PDXDC1: variants seen among roughly 807,000 people sequenced by gnomAD.
PDXDC1 encodes the protein pyridoxal-dependent decarboxylase domain-containing protein 1.
Under a neutral mutation model 100.1 loss-of-function variants are expected in PDXDC1, and 42 were observed. The observed-to-expected ratio is 0.42, with a 90% confidence interval of 0.33 to 0.54. The LOEUF (loss-of-function observed/expected upper bound fraction) is 0.54, where lower values mean the gene tolerates loss of function less well. PDXDC1 is among the 20% of genes least tolerant of loss of function. PDXDC1 has a pLI of 0.10. For missense variants in PDXDC1, 636 were observed against 979.2 expected (o/e 0.65, Z 4.68); for synonymous variants, 260 against 371.7 (o/e 0.70, Z 3.46).
intron 16 of PDXDC1, chr16:15,135,175 G>A (rs959092693): frequency 1.3e-5 from 11 of 858,446 alleles, no homozygotes; most frequent in African/African-American, 3.3e-5. Flanking sequence ...GAAACAGAGA[G>A]GGAAGAGCGC....
At chr16:15,094,343 C>T (rs562095745) in intron 16 of PDXDC1, 8 of 1,039,474 alleles carry the variant, frequency 7.7e-6, no homozygotes, top group East Asian at 2.6e-5. Flanking sequence ...AGCCAATCAG[C>T]GGCCCCGCGT....
intron 22 of PDXDC1, among the ~76,000 whole-genome samples, 195 bp downstream of exon 22, chr16:15,035,748 G>A (rs1008409585): frequency 6.6e-6 from 1 of 152,138 alleles, no homozygotes; most frequent in African/African-American, 2.4e-5. Context: ...GGGGAAGTTG[G>A]GGTCTTGAAA....
chr16:15,013,830 G>T (rs1190597727), intron 8 of PDXDC1, among the ~76,000 whole-genome samples: 5 of 146,210 alleles, frequency 3.4e-5, no homozygotes, highest in Non-Finnish European at 7.4e-5. Flanking sequence ...AGCCAAGATC[G>T]CACCACCGCA....
intron 1 of PDXDC1, among the ~76,000 whole-genome samples, chr16:14,977,764 A>C (rs1278060498): frequency 6.6e-6 from 1 of 152,268 alleles, no homozygotes; most frequent in Admixed American, 6.5e-5. Flanking sequence ...TGTTTCTTTG[A>C]GGAATAGACT....
At chr16:15,012,964 G>A (rs1457723930) in intron 8 of PDXDC1, among the ~76,000 whole-genome samples, 14 of 152,392 alleles carry the variant, frequency 9.2e-5, no homozygotes, top group Admixed American at 8.5e-4. Context: ...GAGGTCAGGA[G>A]ATCAAGACAT....
chr16:15,019,842 G>A (rs879860164), intron 12 of PDXDC1, among the ~76,000 whole-genome samples: 1 of 152,286 alleles, frequency 6.6e-6, no homozygotes, highest in Non-Finnish European at 1.5e-5. Context: ...GCTGGGCATG[G>A]TGGCTCACGC....
At chr16:15,100,145 G>A (rs1174087854) in intron 16 of PDXDC1, among the ~76,000 whole-genome samples, 1 of 152,150 alleles carries the variant, frequency 6.6e-6, no homozygotes, top group African/African-American at 2.4e-5. Flanking sequence ...TGAACTAGAA[G>A]GGATTAAGTT....
chr16:14,990,255 G>T lies in PDXDC1; in HGVS notation c.22-7498G>T. ...CGCCCGTGCCTCACTGCCCGGCCCAGACCGCGGCGCCCACCCCGGCCCCCG... is the reference window on the plus strand; with the variant it reads ...CGCCCGTGCCTCACTGCCCGGCCCATACCGCGGCGCCCACCCCGGCCCCCG... On this transcript the variant is annotated intron_variant, in intron 1 of 22. Transcript: ENST00000396410. 5 of 638,518 alleles carry T rather than the reference G, an allele frequency of 7.8e-6. No individual in the cohort carries two copies. The South Asian group carries it at 3.0e-4, about 38-fold the overall frequency. 39.6% of individuals were successfully genotyped at this position (638,518 alleles called of 1,614,324 possible).
Position 15,095,058 on chromosome 16 carries a change from G to A in PDXDC1, c.1400-43821G>A, listed in dbSNP as rs865992098. ...GCACTGTGTTGGCCAGGCTGGTCTC[G>A]AACTCATGACCTCAGGTCATCCGCC... On this transcript the variant is annotated intron_variant, in intron 16 of 16. Transcript: ENST00000535621. 3.9e-5 allele frequency among the ~76,000 whole-genome samples: 6 copies of A among 152,018 alleles called. No homozygotes were observed. The South Asian group carries it at 1.0e-3, about 26-fold the overall frequency.
At chr16:14,992,769 G>C (rs1349944299) in intron 1 of PDXDC1, among the ~76,000 whole-genome samples, 1 of 152,276 alleles carries the variant, frequency 6.6e-6, no homozygotes, top group Non-Finnish European at 1.5e-5. Flanking sequence ...TATGGCCATA[G>C]GCAAGTCGCT....
chr16:15,018,089 CA>C (rs2041928801), intron 11 of PDXDC1, among the ~76,000 whole-genome samples: 1 of 142,686 alleles, frequency 7.0e-6, no homozygotes, highest in Non-Finnish European at 1.5e-5. Context: ...CACCTGGCCA[CA>C]TTTTTTTTTT....
chr16:15,127,067 C>T lies in PDXDC1; in HGVS notation c.1400-11812C>T, dbSNP rs983270975. On this transcript the variant is annotated intron_variant, in intron 16 of 16. Transcript: ENST00000535621. Reference sequence around the variant, plus strand: ...CCTCCTGAAGTGTTGGGATTATAGGCGTGAGCCACCACACCCGGCCCGGCC... The same window carrying T: ...CCTCCTGAAGTGTTGGGATTATAGGTGTGAGCCACCACACCCGGCCCGGCC... The T allele has an allele frequency of 4.2e-5, 15 of 353,836 alleles. No individual in the cohort carries two copies. In the East Asian group the frequency reaches 8.2e-4, roughly 19 times the overall value. The allele number at this position is 353,836 out of a possible 1,614,324, so 21.9% of individuals were successfully genotyped here. A position where few individuals can be genotyped will look rare whatever the true frequency, so the allele number is the denominator to read the frequency against.
chr16:14,987,111 C>A (rs1281758089), intron 1 of PDXDC1, among the ~76,000 whole-genome samples: 3 of 152,242 alleles, frequency 2.0e-5, no homozygotes, highest in Non-Finnish European at 4.4e-5. Context: ...AAAAAAAATG[C>A]CCTGATCTGG....
chr16:15,102,020 G>A (rs1567246605), intron 16 of PDXDC1, among the ~76,000 whole-genome samples: 1 of 152,022 alleles, frequency 6.6e-6, no homozygotes, highest in African/African-American at 2.4e-5. Flanking sequence ...GGCTAATTTT[G>A]TATTTTTGGT....
Position 15,006,474 on chromosome 16 carries a change from G to T in PDXDC1, c.470G>T (p.Arg157Leu), listed in dbSNP as rs775458530. The change falls in exon 6 of 23, where the codon CGA becomes CTA. Residue 157 changes from arginine (R) to leucine (L), a missense_variant. Around this residue, in one of 4 missense-constraint regions of PDXDC1, gnomAD observed 125 missense variants for 479.9 expected, o/e 0.26. Coordinates refer to ENST00000396410, the MANE Select transcript of PDXDC1 (RefSeq NM_015027.4). The part of the protein sequence containing the change: ...AKICRLAIHS[R>L]YEDFVVDGFN... ...ATATGTAGGCTTGCCATTCATTCTCGATATGAAGACTTCGTAGTGGATGGC... is the reference window on the plus strand; with the variant it reads ...ATATGTAGGCTTGCCATTCATTCTCTATATGAAGACTTCGTAGTGGATGGC... The T allele has an allele frequency of 6.2e-7, 1 of 1,610,736 alleles. No homozygotes were observed. The highest frequency in any genetic ancestry group is 8.5e-7 in the Non-Finnish European group (1 of 1,177,488).
chr16:15,147,998 TG>T, the PDXDC1 span, among the ~76,000 whole-genome samples: 7 of 150,660 alleles, frequency 4.6e-5, no homozygotes, highest in African/African-American at 1.2e-4. Flanking sequence ...TTTTTTGTTT[TG>T]TTTTTTTTTT....
chr16:15,065,364 G>A (rs2044922674), intron 16 of PDXDC1: 1 of 1,612,882 alleles, frequency 6.2e-7, no homozygotes, highest in Non-Finnish European at 8.5e-7. Context: ...AAGACGAGCT[G>A]GTACTTACTG....
the PDXDC1 span, among the ~76,000 whole-genome samples, chr16:15,148,321 T>G: frequency 6.6e-6 from 1 of 150,706 alleles, no homozygotes; most frequent in East Asian, 2.0e-4. Context: ...TCACACGCTG[T>G]TGGCCATCTG....
chr16:15,127,197 C>T lies in PDXDC1; in HGVS notation c.1400-11682C>T, dbSNP rs1411134480. 4 of 410,684 alleles carry T rather than the reference C, an allele frequency of 9.7e-6. No homozygotes were observed. In the East Asian group the frequency reaches 1.7e-4, roughly 17 times the overall value. The allele number at this position is 410,684 out of a possible 1,614,324, so 25.4% of individuals were successfully genotyped here. On this transcript the variant is annotated intron_variant, in intron 16 of 16. Coordinates refer to the PDXDC1 transcript ENST00000535621. ...GGAAGCGTGCACAGCCGCGTGCTTG[C>T]TTCTTCTGAGTTATCTGGCGTGCTG...
Sources: gnomAD v4.1 joint callset for allele counts (sites outside exome capture counted in the v4.1 genomes callset) on GRCh38, gnomAD v4.1.1 for gene constraint, gnomAD v4.1.1 regional missense constraint, MANE v1.5 for transcripts, NCBI Gene and HGNC (gene_info 2026-07-23, HGNC 2026-07-21) for gene names.